Variants in PCDHGA11 observed in about 807,000 individuals in gnomAD.
PCDHGA11 encodes protocadherin gamma-A11.
A neutral mutation model predicts 60.4 loss-of-function variants in PCDHGA11; 39 were observed. That is an observed-to-expected ratio of 0.65 (90% CI 0.50 to 0.84). The LOEUF (loss-of-function observed/expected upper bound fraction) is 0.84. PCDHGA11 is among the 40% of genes least tolerant of loss of function. The pLI, the probability that PCDHGA11 is intolerant of heterozygous loss-of-function variation, is 0.00. For synonymous variants in PCDHGA11, 533 were observed against 510.3 expected, an observed-to-expected ratio of 1.04 and a Z score of -0.60; for missense variants, 1,165 against 1,197.7, an observed-to-expected ratio of 0.97 and a Z score of 0.40.
At chr5:141,468,931 G>A (rs1321821773) in intron 1 of PCDHGA11, among the ~76,000 whole-genome samples, 2 of 148,600 alleles carry the variant, frequency 1.3e-5, no homozygotes, top group Non-Finnish European at 3.0e-5. Flanking sequence ...GCACTAAAAT[G>A]GGAGATGGGG....
intron 1 of PCDHGA11, chr5:141,426,927 A>G (rs1480193041): frequency 2.2e-6 from 1 of 456,634 alleles, no homozygotes; most frequent in African/African-American, 2.0e-5. Flanking sequence ...AGCAATGGAC[A>G]TGGGTGACCC....
In PCDHGA11 at chr5:141,476,218, C is replaced by G. The variant is rs1562052166; in HGVS notation, c.2434-18589C>G. On this transcript the variant is annotated intron_variant, in intron 1 of 3. Transcript: ENST00000398587. The surrounding 1 kb of genome is among the most constrained non-coding windows in gnomAD (Gnocchi z 7.6). ...TGAACAAGGCTTCCACGGTCATTCA[C>G]TATGAGATCCCGGAGGAAAGAGAGA... is the stretch of plus-strand genomic sequence containing the variant. 1 of 1,613,984 alleles carries G rather than the reference C, an allele frequency of 6.2e-7. No homozygotes were observed.
At chr5:141,433,360 T>C (rs1313053553) in intron 1 of PCDHGA11, 46 of 298,056 alleles carry the variant, frequency 1.5e-4, no homozygotes, top group Non-Finnish European at 2.5e-4. Context: ...ACTGTCTGCC[T>C]ATCTATCTAT....
intron 1 of PCDHGA11, chr5:141,430,898 G>A: frequency 6.2e-7 from 1 of 1,605,834 alleles, no homozygotes; most frequent in East Asian, 2.2e-5. Flanking sequence ...TAGGGTGGGC[G>A]ACATCTCCAG....
At chr5:141,459,531 A>G (rs1479666418) in intron 1 of PCDHGA11, among the ~76,000 whole-genome samples, 2 of 152,184 alleles carry the variant, frequency 1.3e-5, no homozygotes, top group Admixed American at 1.3e-4. Context: ...TTTTGTAGGC[A>G]TATTTTTTTT....
chr5:141,501,164 G>C (rs991995325), intron 2 of PCDHGA11, among the ~76,000 whole-genome samples: 32 of 152,144 alleles, frequency 2.1e-4, no homozygotes, highest in African/African-American at 7.7e-4. Context: ...ACCATCCCCA[G>C]CCTCATTTAC....
Position 141,485,244 on chromosome 5 carries a change from T to G in PCDHGA11, c.2434-9563T>G. 5 of 1,614,168 alleles carry G rather than the reference T, an allele frequency of 3.1e-6. No individual in the cohort carries two copies. Among genetic ancestry groups the G allele is most frequent in the Non-Finnish European group, 4.2e-6 (5 of 1,180,006 alleles). On this transcript the variant is annotated intron_variant, in intron 1 of 3. Transcript: ENST00000398587. This position sits in a 1 kb window ranked among gnomAD's most constrained non-coding sequence, Gnocchi z 5.7. Reference sequence around the variant, plus strand: ...ACCCTTTTGTTCCTCTTTTACCACCTGGGTTACGTTTGTGGGCAGATCCGC... The same window carrying G: ...ACCCTTTTGTTCCTCTTTTACCACCGGGGTTACGTTTGTGGGCAGATCCGC...
intron 1 of PCDHGA11, chr5:141,492,033 C>A: frequency 1.8e-6 from 1 of 548,342 alleles, no homozygotes; most frequent in Non-Finnish European, 3.1e-6. Flanking sequence ...CGGGAGGAGG[C>A]AGTCACAGAT....
Position 141,431,010 on chromosome 5 carries a change from T to G in PCDHGA11, c.2433+7350T>G. 2 of 1,613,972 alleles carry G rather than the reference T, an allele frequency of 1.2e-6. No individual in the cohort carries two copies. The highest frequency in any genetic ancestry group is 1.7e-6 in the Non-Finnish European group (2 of 1,179,964). The stretch of plus-strand genomic sequence containing the variant: ...GCCCTGAATCCGCGCAGCGGCAGCT[T>G]GGTCACGGCGGGCAGGATAGACCGG... On this transcript the variant is annotated intron_variant, in intron 1 of 3. Transcript: ENST00000398587. The surrounding 1 kb of genome is among the most constrained non-coding windows in gnomAD (Gnocchi z 4.8).
intron 1 of PCDHGA11, among the ~76,000 whole-genome samples, chr5:141,458,982 C>G (rs2098958289): frequency 6.6e-6 from 1 of 152,164 alleles, no homozygotes; most frequent in Admixed American, 6.5e-5. Flanking sequence ...GTCCTCCTGC[C>G]TCACCCTCCC....
At chr5:141,449,273 C>T (rs1168190907) in intron 1 of PCDHGA11, among the ~76,000 whole-genome samples, 1 of 151,982 alleles carries the variant, frequency 6.6e-6, no homozygotes, top group Non-Finnish European at 1.5e-5. Flanking sequence ...ACTGTATCTC[C>T]TTCACCCGGA....
At chr5:141,457,560 G>A (rs1466753974) in intron 1 of PCDHGA11, among the ~76,000 whole-genome samples, 1 of 152,162 alleles carries the variant, frequency 6.6e-6, no homozygotes, top group African/African-American at 2.4e-5. Flanking sequence ...ATAAGCTTTG[G>A]AGCAAAATTT....
At chr5:141,496,869 A>G (rs2099772006) in intron 2 of PCDHGA11, among the ~76,000 whole-genome samples, 1 of 150,116 alleles carries the variant, frequency 6.7e-6, no homozygotes, top group African/African-American at 2.5e-5. Context: ...GAGACTGAAA[A>G]TTTGCAACAA....
chr5:141,455,905 T>TTATG (rs2098836561), intron 1 of PCDHGA11, among the ~76,000 whole-genome samples: 1 of 148,340 alleles, frequency 6.7e-6, no homozygotes, highest in Admixed American at 6.7e-5. Flanking sequence ...ATTTATTTAT[T>TTATG]TATTTATTTT....
intron 1 of PCDHGA11, among the ~76,000 whole-genome samples, chr5:141,483,618 C>T (rs1441906179): frequency 6.6e-6 from 1 of 151,536 alleles, no homozygotes; most frequent in Non-Finnish European, 1.5e-5. Flanking sequence ...TCCATCATTC[C>T]CATGGGAGAA....
rs2097527384 is a variant in PCDHGA11 at position 141,432,674 on chromosome 5, A to G, written c.2433+9014A>G. 2 of 1,613,856 alleles carry G rather than the reference A, an allele frequency of 1.2e-6. No homozygotes were observed. The highest frequency in any genetic ancestry group is 4.5e-5 in the East Asian group (2 of 44,840). On this transcript the variant is annotated intron_variant, in intron 1 of 3. Coordinates refer to ENST00000398587, the MANE Select transcript of PCDHGA11 (RefSeq NM_018914.3). The surrounding 1 kb of genome is among the most constrained non-coding windows in gnomAD (Gnocchi z 6.0). ...AGCCCTGCTGGACAGAGACGCGCTCAAGCAGAGCCTCGTAGTGGCCGTCCA... is the reference window on the plus strand; with the variant it reads ...AGCCCTGCTGGACAGAGACGCGCTCGAGCAGAGCCTCGTAGTGGCCGTCCA...
chr5:141,432,649 A>C lies in PCDHGA11; in HGVS notation c.2433+8989A>C, dbSNP rs769351399. The C allele has an allele frequency of 5.6e-6, 9 of 1,613,742 alleles. No individual in the cohort carries two copies. The highest frequency in any genetic ancestry group is 6.8e-6 in the Non-Finnish European group (8 of 1,179,918). ...ACACGGGCGAGGTGCGCACGGCGCG[A>C]GCCCTGCTGGACAGAGACGCGCTCA... is the stretch of plus-strand genomic sequence containing the variant. On this transcript the variant is annotated intron_variant, in intron 1 of 3. Transcript: ENST00000398587. This position sits in a 1 kb window ranked among gnomAD's most constrained non-coding sequence, Gnocchi z 6.0.
chr5:141,469,618 T>C (rs1284372508), intron 1 of PCDHGA11, among the ~76,000 whole-genome samples: 1 of 152,148 alleles, frequency 6.6e-6, no homozygotes, highest in Non-Finnish European at 1.5e-5. Context: ...ATAAAATAAA[T>C]GTTTGTAGTT....
At chr5:141,448,139 C>A (rs1486636157) in intron 1 of PCDHGA11, among the ~76,000 whole-genome samples, 1 of 151,884 alleles carries the variant, frequency 6.6e-6, no homozygotes, top group African/African-American at 2.4e-5. Context: ...CCTCACTATA[C>A]CTCAGACTCA....
Sources: gnomAD v4.1 joint callset for allele counts (sites outside exome capture counted in the v4.1 genomes callset) on GRCh38, gnomAD v4.1.1 for gene constraint, Gnocchi (gnomAD v3.1) non-coding constraint, MANE v1.5 for transcripts, NCBI Gene and HGNC (gene_info 2026-07-23, HGNC 2026-07-21) for gene names.